SKA2: variants seen among roughly 807,000 people sequenced by gnomAD.
The protein encoded by SKA2 is spindle and kinetochore associated complex subunit 2.
SKA2 carries 13 observed loss-of-function variants against 16.9 expected under a neutral mutation model. That is an observed-to-expected ratio of 0.77 (90% CI 0.50 to 1.22). SKA2 has a LOEUF of 1.22. Among genes scored for constraint, SKA2 ranks in the 50% most tolerant of loss-of-function variants. SKA2 has a pLI of 0.00. For synonymous variants in SKA2, 47 were observed against 48.5 expected (o/e 0.97, Z 0.13); for missense variants, 107 against 139.7 (o/e 0.77, Z 1.18).
At chr17:59,149,329 G>A (rs1466808083) in intron 1 of SKA2, among the ~76,000 whole-genome samples, 1 of 152,040 alleles carries the variant, frequency 6.6e-6, no homozygotes, top group Non-Finnish European at 1.5e-5. Flanking sequence ...GCAACATAGT[G>A]AGACTTCATC....
At chr17:59,115,839 T>G (rs1198905106) in intron 3 of SKA2, among the ~76,000 whole-genome samples, 1 of 152,186 alleles carries the variant, frequency 6.6e-6, no homozygotes, top group Non-Finnish European at 1.5e-5. Context: ...TCTCAAAGAA[T>G]TTTTCCAGGA....
intron 3 of SKA2, among the ~76,000 whole-genome samples, chr17:59,112,750 C>T (rs531098923): frequency 1.3e-5 from 2 of 152,222 alleles, no homozygotes; most frequent in South Asian, 2.1e-4. Context: ...AGAAACTATA[C>T]ATATCCTCCT....
chr17:59,152,859 G>GA (rs376759044), intron 1 of SKA2, among the ~76,000 whole-genome samples: 61 of 126,696 alleles, frequency 4.8e-4, no homozygotes, highest in East Asian at 2.0e-3. Flanking sequence ...AACCTGAAAG[G>GA]AAAAAAAAAA....
chr17:59,141,959 T>C (rs948979735), intron 1 of SKA2, among the ~76,000 whole-genome samples: 11 of 152,074 alleles, frequency 7.2e-5, no homozygotes, highest in African/African-American at 2.4e-4. Context: ...ACCCATGAGA[T>C]ATTCTCATGG....
intron 1 of SKA2, 172 bp downstream of exon 1, chr17:59,154,959 A>C: frequency 6.2e-7 from 1 of 1,613,854 alleles, no homozygotes; most frequent in Non-Finnish European, 8.5e-7. Flanking sequence ...CCCTTACCCG[A>C]GGCGGTTTAG....
chr17:59,134,011 C>T (rs774445902), intron 1 of SKA2, among the ~76,000 whole-genome samples: 30 of 152,112 alleles, frequency 2.0e-4, no homozygotes, highest in Non-Finnish European at 2.9e-4. Context: ...ATCCTCTATA[C>T]TTGTCAGATG....
At chr17:59,152,824 C>T (rs555005885) in intron 1 of SKA2, among the ~76,000 whole-genome samples, 7 of 151,030 alleles carry the variant, frequency 4.6e-5, no homozygotes, top group Non-Finnish European at 8.8e-5. Context: ...TTTCTAAACC[C>T]TAATAATTAT....
intron 1 of SKA2, chr17:59,151,062 A>C: frequency 2.2e-6 from 1 of 463,458 alleles, no homozygotes; most frequent in Non-Finnish European, 4.5e-6. Flanking sequence ...AGTTCTCAGC[A>C]ACAAAGGTTG....
At chr17:59,142,287 G>A (rs2046496274) in intron 1 of SKA2, among the ~76,000 whole-genome samples, 1 of 149,742 alleles carries the variant, frequency 6.7e-6, no homozygotes, top group South Asian at 2.1e-4. Flanking sequence ...TTTATATATG[G>A]TGGGTTTTTT....
intron 2 of SKA2, among the ~76,000 whole-genome samples, chr17:59,129,939 GAGAA>G (rs1310727559): frequency 7.5e-6 from 1 of 133,928 alleles, no homozygotes; most frequent in African/African-American, 2.8e-5. Flanking sequence ...GAAGGAAGGA[GAGAA>G]AGAGGGAAGG....
chr17:59,126,980 G>C (rs561896209), intron 2 of SKA2, among the ~76,000 whole-genome samples: 5 of 152,276 alleles, frequency 3.3e-5, no homozygotes, highest in African/African-American at 1.2e-4. Context: ...TGAATCTTGA[G>C]AACATTATAA....
intron 3 of SKA2, among the ~76,000 whole-genome samples, chr17:59,117,624 T>C (rs1030944996): frequency 2.0e-5 from 3 of 151,674 alleles, no homozygotes; most frequent in Non-Finnish European, 4.4e-5. Context: ...AGGTTCTCAC[T>C]ATGTTGTCCA....
rs138522640 is a variant in SKA2, at chr17:59,123,241, CTTT to C, written c.121-3749_121-3747del. ...ACTTTATCTTCCATAGTACAAAATT[CTTT>C]TTTTTTTTTTTTTTTTTTTAAGAGT... On this transcript the variant is annotated intron_variant, in intron 2 of 3. Transcript: ENST00000330137. Among the ~76,000 whole-genome samples the C allele has an allele frequency of 1.7e-3, 173 of 99,090 alleles. 2 individuals carry two copies. Among genetic ancestry groups the C allele is most frequent in the African/African-American group, 6.3e-3 (163 of 25,824 alleles). 65.0% of individuals were successfully genotyped at this position (99,090 alleles called of 152,430 possible).
intron 3 of SKA2, among the ~76,000 whole-genome samples, chr17:59,117,074 CA>C (rs2046301723): frequency 6.6e-6 from 1 of 152,040 alleles, no homozygotes; most frequent in Admixed American, 6.6e-5. Context: ...CTCGGCCTCC[CA>C]AAGTGCTGGG....
At position 59,111,566 on chromosome 17, in the gene SKA2, T is replaced by C. The variant is rs982904772; in HGVS notation, c.*711A>G. The C allele has an allele frequency of 6.6e-6, 1 of 152,186 alleles. No homozygotes were observed. The highest frequency in any genetic ancestry group is 2.4e-5 in the African/African-American group (1 of 41,438). The allele number at this position is 152,186 out of a possible 1,614,324, so 9.4% of individuals were successfully genotyped here. A position where few individuals can be genotyped will look rare whatever the true frequency, so the allele number is the denominator to read the frequency against. ...TCTAATTTCAGTTTCCTAGCTTTCA[T>C]GTAGAATGAACAATTATAGTAATAA... On this transcript the variant is annotated 3_prime_UTR_variant, in exon 4 of 4. Coordinates refer to ENST00000330137, the MANE Select transcript of SKA2 (RefSeq NM_182620.4).
intron 1 of SKA2, chr17:59,154,850 G>A (rs1425925985): frequency 8.0e-7 from 1 of 1,247,394 alleles, no homozygotes; most frequent in Non-Finnish European, 1.1e-6. Flanking sequence ...GCGCAGTTTC[G>A]TAAGGGGTGT....
At chr17:59,135,310 C>CTTTTTT (rs71145527) in intron 1 of SKA2, among the ~76,000 whole-genome samples, 2 of 126,128 alleles carry the variant, frequency 1.6e-5, no homozygotes, top group East Asian at 2.3e-4. Flanking sequence ...ACTAAACTGT[C>CTTTTTT]TTTTTTTTTT....
chr17:59,137,234 A>C (rs2046452577), intron 1 of SKA2, among the ~76,000 whole-genome samples: 1 of 152,112 alleles, frequency 6.6e-6, no homozygotes, highest in South Asian at 2.1e-4. Flanking sequence ...CCCAGGCTGG[A>C]CTTGAACTCC....
chr17:59,120,205 G>C (rs2046323461), intron 2 of SKA2, among the ~76,000 whole-genome samples: 1 of 151,916 alleles, frequency 6.6e-6, no homozygotes, highest in African/African-American at 2.4e-5. Context: ...ACTGCGCCCG[G>C]CCAAAATTCG....
Sources: allele counts gnomAD v4.1 joint callset (sites outside exome capture counted in the v4.1 genomes callset), GRCh38; gene constraint gnomAD v4.1.1; transcripts MANE v1.5; gene names NCBI Gene and HGNC (gene_info 2026-07-23, HGNC 2026-07-21).